CNTNAP3B: variants seen among roughly 807,000 people sequenced by gnomAD.
CNTNAP3B encodes contactin associated protein family member 3B.
Under a neutral mutation model 108.9 loss-of-function variants are expected in CNTNAP3B, and 25 were observed. The observed-to-expected ratio is 0.23, with a 90% confidence interval of 0.17 to 0.32. The LOEUF is 0.32. CNTNAP3B is among the 10% of genes least tolerant of loss of function. The pLI is 1.00. For synonymous variants in CNTNAP3B, 103 were observed against 473.4 expected (o/e 0.22, Z 10.16); for missense variants, 252 against 1,210.4 (o/e 0.21, Z 11.75).
chr9:41,943,227 T>G (rs1824416163), intron 13 of CNTNAP3B, among the ~76,000 whole-genome samples: 1 of 152,280 alleles, frequency 6.6e-6, no homozygotes, highest in African/African-American at 2.4e-5. Context: ...CTGGGAAGAC[T>G]GGGAAGTGCT....
chr9:41,945,000 CAG>C (rs1362456583), intron 13 of CNTNAP3B, among the ~76,000 whole-genome samples: 1 of 151,506 alleles, frequency 6.6e-6, no homozygotes, highest in Non-Finnish European at 1.5e-5. Context: ...ATGCAGCCAA[CAG>C]ACACATGAAA....
intron 18 of CNTNAP3B, among the ~76,000 whole-genome samples, chr9:41,916,878 CT>C (rs1823531681): frequency 6.7e-6 from 1 of 149,020 alleles, no homozygotes; most frequent in African/African-American, 2.5e-5. Context: ...TCTCACTGTC[CT>C]TTGGCCTCCA....
chr9:41,935,094 CAT>C (rs1824116571), intron 14 of CNTNAP3B, among the ~76,000 whole-genome samples: 1 of 152,278 alleles, frequency 6.6e-6, no homozygotes, highest in African/African-American at 2.4e-5. Flanking sequence ...CATTTATACA[CAT>C]ATATTGACTT....
chr9:41,960,584 C>A (rs1379847684), intron 12 of CNTNAP3B, among the ~76,000 whole-genome samples, 189 bp downstream of exon 12: 1 of 152,278 alleles, frequency 6.6e-6, no homozygotes, highest in Non-Finnish European at 1.5e-5. Context: ...TTGAATCTTG[C>A]CTATAATCCA....
chr9:42,053,909 C>G (rs960516008), intron 3 of CNTNAP3B, among the ~76,000 whole-genome samples: 1 of 149,564 alleles, frequency 6.7e-6, no homozygotes, highest in Non-Finnish European at 1.5e-5. Flanking sequence ...CACACCCACC[C>G]AAACCATGGC....
chr9:41,951,978 G>A (rs1208644942), intron 13 of CNTNAP3B, among the ~76,000 whole-genome samples: 2 of 152,236 alleles, frequency 1.3e-5, no homozygotes, highest in African/African-American at 4.8e-5. Context: ...TCAGGAGGCT[G>A]AGGCAGGAGA....
chr9:42,063,617 A>C (rs1245064828), intron 3 of CNTNAP3B, among the ~76,000 whole-genome samples: 1 of 135,852 alleles, frequency 7.4e-6, no homozygotes, highest in Non-Finnish European at 1.6e-5. Context: ...AGATTGATAA[A>C]ACTTTTTCTG....
intron 3 of CNTNAP3B, among the ~76,000 whole-genome samples, chr9:42,070,678 A>T (rs1214180119): frequency 3.9e-5 from 6 of 152,238 alleles, no homozygotes; most frequent in Non-Finnish European, 8.8e-5. Context: ...CTCTCATAGC[A>T]GGTACCGAGT....
At position 41,996,229 on chromosome 9, in the gene CNTNAP3B, T is replaced by A. The variant is rs1437524994; in HGVS notation, c.1047A>T (p.Lys349Asn). 2.9e-6 allele frequency: 4 copies of A among 1,361,308 alleles called. No individual in the cohort carries two copies. In the Admixed American group the frequency reaches 5.9e-5, roughly 20 times the overall value. The allele number at this position is 1,361,308 out of a possible 1,614,324, so 84.3% of individuals were successfully genotyped here. Residue 349 changes from lysine (K) to asparagine (N), a missense_variant, in exon 7 of 24, where the codon AAA becomes AAT. Lys to Asn is a moderately conservative substitution (Grantham distance 94). Coordinates refer to ENST00000377561, the MANE Select transcript of CNTNAP3B (RefSeq NM_001201380.3). ...CCATCATGAGGATCTGTGGTTTGTG[T>A]TTCTTGGCTAATTCGGTAACATCCA... ...NGVDVTELAK[K>N]HKPQILMMGN...
chr9:42,080,536 G>C (rs1472100553), intron 2 of CNTNAP3B, among the ~76,000 whole-genome samples: 1 of 136,910 alleles, frequency 7.3e-6, no homozygotes, highest in African/African-American at 2.9e-5. Context: ...TTTGTTAAAG[G>C]CAGCTTTGAT....
chr9:41,955,902 T>C (rs1173826419), intron 12 of CNTNAP3B, among the ~76,000 whole-genome samples: 1 of 152,272 alleles, frequency 6.6e-6, no homozygotes, highest in Non-Finnish European at 1.5e-5. Flanking sequence ...TTATTATAAA[T>C]TAAAAATGCA....
At chr9:41,933,289 A>G (rs1824037440) in intron 14 of CNTNAP3B, among the ~76,000 whole-genome samples, 1 of 152,304 alleles carries the variant, frequency 6.6e-6, no homozygotes. Context: ...ATTAATAGAC[A>G]CTAATATAAA....
chr9:41,894,405 G>A (rs1300010391), intron 23 of CNTNAP3B, among the ~76,000 whole-genome samples: 1 of 74,692 alleles, frequency 1.3e-5, no homozygotes, highest in African/African-American at 7.3e-5. Context: ...TGGGATTACA[G>A]GTGTGAGTTA....
chr9:42,060,075 T>C (rs1188011391), intron 3 of CNTNAP3B, among the ~76,000 whole-genome samples: 1 of 148,142 alleles, frequency 6.8e-6, no homozygotes, highest in Admixed American at 6.7e-5. Flanking sequence ...AAAGAAGTGG[T>C]GATAGTGGGC....
intron 3 of CNTNAP3B, among the ~76,000 whole-genome samples, chr9:42,056,326 T>TTTTATTATTATTATTA (rs1554753495): frequency 3.1e-5 from 4 of 129,126 alleles, no homozygotes; most frequent in African/African-American, 6.0e-5. Flanking sequence ...TCTCATGAAT[T>TTTTATTATTATTATTA]TTATTATTAT....
intron 2 of CNTNAP3B, among the ~76,000 whole-genome samples, chr9:42,080,194 G>T (rs138716216): frequency 7.3e-6 from 1 of 137,312 alleles, no homozygotes; most frequent in Non-Finnish European, 1.6e-5. Flanking sequence ...CCCTCTTCTC[G>T]GCATCCCTCA....
At chr9:41,963,119 C>T (rs1310373249) in intron 11 of CNTNAP3B, among the ~76,000 whole-genome samples, 18 of 152,372 alleles carry the variant, frequency 1.2e-4, no homozygotes, top group Middle Eastern at 3.4e-3. Context: ...GGACTGGGAG[C>T]GCAGAATTCT....
At chr9:41,947,701 A>G (rs1320445185) in intron 13 of CNTNAP3B, among the ~76,000 whole-genome samples, 56 of 151,954 alleles carry the variant, frequency 3.7e-4, no homozygotes, top group Non-Finnish European at 7.7e-4. Context: ...TTTCAATAGA[A>G]TTTGAAACAA....
At chr9:41,945,546 C>G (rs1028035684) in intron 13 of CNTNAP3B, among the ~76,000 whole-genome samples, 10 of 152,296 alleles carry the variant, frequency 6.6e-5, no homozygotes, top group Non-Finnish European at 1.3e-4. Context: ...TGTTCTCACT[C>G]ATAGGTGGGA....
Sources: gnomAD v4.1 joint callset for allele counts (sites outside exome capture counted in the v4.1 genomes callset) on GRCh38, gnomAD v4.1.1 for gene constraint, MANE v1.5 for transcripts, NCBI Gene and HGNC (gene_info 2026-07-23, HGNC 2026-07-21) for gene names.